PAX3: variants seen among roughly 807,000 people sequenced by gnomAD.
PAX3 encodes paired box protein Pax-3.
PAX3 carries 14 observed loss-of-function variants against 51.6 expected under a neutral mutation model. The observed-to-expected ratio is 0.27, with a 90% CI of 0.18 to 0.42. PAX3 has a LOEUF of 0.42. Among genes scored for constraint, PAX3 ranks in the 10% least tolerant of loss-of-function variants. PAX3 has a pLI of 1.00. For synonymous variants in PAX3, 280 were observed against 253.4 expected, an observed-to-expected ratio of 1.11 and a Z score of -1.00; for missense variants, 540 against 642.8, an observed-to-expected ratio of 0.84 and a Z score of 1.73.
chr2:222,233,210 G>A (rs1692674377), intron 4 of PAX3, among the ~76,000 whole-genome samples: 1 of 151,450 alleles, frequency 6.6e-6, no homozygotes. Context: ...CTGAGCAACT[G>A]CATAAGACAA....
At chr2:222,289,945 G>A (rs934831950) in intron 4 of PAX3, among the ~76,000 whole-genome samples, 2 of 152,152 alleles carry the variant, frequency 1.3e-5, no homozygotes, top group African/African-American at 4.8e-5. Flanking sequence ...CTAACAAATG[G>A]ACTTGGAAAG....
At chr2:222,204,360 T>C (rs2033806) in intron 7 of PAX3, among the ~76,000 whole-genome samples, 139,623 of 152,236 alleles carry the variant, frequency 0.92, 64,090 homozygotes, top group East Asian at 1. Context: ...TTTCCATCTA[T>C]ATGGGTTCTT....
At chr2:222,228,330 G>T (rs1048021006) in intron 5 of PAX3, among the ~76,000 whole-genome samples, 1 of 152,172 alleles carries the variant, frequency 6.6e-6, no homozygotes, top group Non-Finnish European at 1.5e-5. Context: ...GCCCTGCTTC[G>T]AAGAGGAGGT....
intron 3 of PAX3, among the ~76,000 whole-genome samples, chr2:222,295,035 G>T (rs1695219154): frequency 6.6e-6 from 1 of 151,712 alleles, no homozygotes; most frequent in Non-Finnish European, 1.5e-5. Flanking sequence ...CCCCGTGCTT[G>T]CCCCTCTTCT....
At chr2:222,285,090 G>A (rs1467852257) in intron 4 of PAX3, among the ~76,000 whole-genome samples, 1 of 152,140 alleles carries the variant, frequency 6.6e-6, no homozygotes, top group East Asian at 1.9e-4. Context: ...TGGCCAAGTG[G>A]GGATTCATAA....
intron 7 of PAX3, among the ~76,000 whole-genome samples, chr2:222,203,362 C>T (rs1386202951): frequency 2.0e-5 from 3 of 152,036 alleles, no homozygotes; most frequent in Non-Finnish European, 2.9e-5. Flanking sequence ...AGAAATCTAA[C>T]GCCAGGTCAA....
At chr2:222,272,937 T>C (rs1398801286) in intron 4 of PAX3, among the ~76,000 whole-genome samples, 1 of 152,220 alleles carries the variant, frequency 6.6e-6, no homozygotes, top group Non-Finnish European at 1.5e-5. Flanking sequence ...CAGGTTTCTC[T>C]TTCAGACCTA....
intron 4 of PAX3, among the ~76,000 whole-genome samples, chr2:222,285,466 G>C (rs912418328): frequency 6.6e-6 from 1 of 152,172 alleles, no homozygotes; most frequent in African/African-American, 2.4e-5. Flanking sequence ...GGGGCGAAGA[G>C]GGATATGTTT....
At chr2:222,288,656 C>T (rs769760034) in intron 4 of PAX3, among the ~76,000 whole-genome samples, 2 of 152,124 alleles carry the variant, frequency 1.3e-5, no homozygotes, top group African/African-American at 2.4e-5. Flanking sequence ...TCTGCCACAC[C>T]CCCCCAAAAT....
chr2:222,231,101 C>G (rs910845867), intron 5 of PAX3, among the ~76,000 whole-genome samples: 5 of 152,154 alleles, frequency 3.3e-5, no homozygotes, highest in African/African-American at 1.2e-4. Flanking sequence ...AGCTCTGCAG[C>G]CTGGAAGAGG....
At chr2:222,256,345 G>C (rs1041982279) in intron 4 of PAX3, among the ~76,000 whole-genome samples, 1 of 151,928 alleles carries the variant, frequency 6.6e-6, no homozygotes, top group African/African-American at 2.4e-5. Flanking sequence ...TCCTCTGGAC[G>C]ACGCCTTGAT....
intron 4 of PAX3, chr2:222,242,744 G>A (rs576136657): frequency 1.3e-5 from 2 of 152,292 alleles, no homozygotes; most frequent in East Asian, 3.9e-4. Flanking sequence ...TTCAGTGGTG[G>A]TTGGTGTAGG....
chr2:222,216,359 T>G (rs1438021751), intron 7 of PAX3, among the ~76,000 whole-genome samples: 2 of 152,182 alleles, frequency 1.3e-5, no homozygotes, highest in Non-Finnish European at 2.9e-5. Context: ...GCTGATTCCC[T>G]CAGAACAAGA....
intron 7 of PAX3, among the ~76,000 whole-genome samples, chr2:222,206,138 ATTTT>A: frequency 6.7e-6 from 1 of 148,428 alleles, no homozygotes; most frequent in South Asian, 2.1e-4. Flanking sequence ...TTTTGTACCA[ATTTT>A]TTTTTTTTAA....
chr2:222,247,459 C>T (rs544516163), intron 4 of PAX3, among the ~76,000 whole-genome samples: 14 of 152,184 alleles, frequency 9.2e-5, no homozygotes, highest in African/African-American at 2.9e-4. Flanking sequence ...ATTTTAAAAC[C>T]TAGAAATCAC....
At chr2:222,290,419 G>GC (rs1694987400) in intron 4 of PAX3, among the ~76,000 whole-genome samples, 2 of 152,276 alleles carry the variant, frequency 1.3e-5, no homozygotes, top group South Asian at 4.1e-4. Context: ...AGGAATATAA[G>GC]CCCCCAACAG....
intron 7 of PAX3, among the ~76,000 whole-genome samples, chr2:222,217,564 G>T (rs16863514): frequency 5.9e-5 from 9 of 151,994 alleles, no homozygotes; most frequent in African/African-American, 2.2e-4. Flanking sequence ...CAGAGGTAGA[G>T]GAAGTAGAAG....
At chr2:222,287,252 T>C (rs1223316365) in intron 4 of PAX3, 1 of 152,212 alleles carries the variant, frequency 6.6e-6, no homozygotes, top group Non-Finnish European at 1.5e-5. Context: ...ATAACCTTTA[T>C]TAGGAAGGAA....
At chr2:222,224,204 T>G (rs1559266474) in intron 5 of PAX3, among the ~76,000 whole-genome samples, 1 of 152,214 alleles carries the variant, frequency 6.6e-6, no homozygotes, top group Non-Finnish European at 1.5e-5. Flanking sequence ...ATACAGTATC[T>G]ATTATATCCA....
Sources: gnomAD v4.1 joint callset for allele counts (sites outside exome capture counted in the v4.1 genomes callset) on GRCh38, gnomAD v4.1.1 for gene constraint, MANE v1.5 for transcripts, NCBI Gene and HGNC (gene_info 2026-07-23, HGNC 2026-07-21) for gene names.